ACYP2: variants seen among roughly 807,000 people sequenced by gnomAD.
ACYP2 encodes the protein acylphosphatase-2.
Under a neutral mutation model 11.2 loss-of-function variants are expected in ACYP2, and 12 were observed. The observed-to-expected ratio is 1.08, with a 90% CI of 0.69 to 1.74. ACYP2 has a LOEUF of 1.74. Ranked by LOEUF, ACYP2 falls within the 40% of genes most tolerant of loss-of-function variation. ACYP2 has a pLI of 0.00. For missense variants in ACYP2, 134 were observed against 101.9 expected, an observed-to-expected ratio of 1.31 and a Z score of -1.35; for synonymous variants, 43 against 32.2, an observed-to-expected ratio of 1.33 and a Z score of -1.13.
At chr2:53,992,705 C>G (rs1672359018) in intron 2 of ACYP2, among the ~76,000 whole-genome samples, 1 of 151,770 alleles carries the variant, frequency 6.6e-6, no homozygotes, top group South Asian at 2.1e-4. Context: ...GTGGTGTGCA[C>G]CTGTAGTCCG....
At chr2:54,006,411 T>C (rs1673066065) in intron 2 of ACYP2, among the ~76,000 whole-genome samples, 1 of 152,040 alleles carries the variant, frequency 6.6e-6, no homozygotes, top group African/African-American at 2.4e-5. Context: ...CCTCCCAAAG[T>C]GCTGGGATTA....
At chr2:54,242,350 T>G (rs1205866274) in intron 6 of ACYP2, among the ~76,000 whole-genome samples, 1 of 152,262 alleles carries the variant, frequency 6.6e-6, no homozygotes, top group African/African-American at 2.4e-5. Context: ...TGATGTCCTG[T>G]GACGTCAACT....
chr2:54,206,297 G>T (rs1401896407), intron 6 of ACYP2, among the ~76,000 whole-genome samples: 3 of 152,132 alleles, frequency 2.0e-5, no homozygotes, highest in Non-Finnish European at 2.9e-5. Flanking sequence ...GAATGACATT[G>T]TGCATTAGAG....
intron 6 of ACYP2, among the ~76,000 whole-genome samples, chr2:54,167,974 C>T (rs1466736573): frequency 6.6e-6 from 1 of 152,144 alleles, no homozygotes; most frequent in African/African-American, 2.4e-5. Flanking sequence ...GGGCCCAGTG[C>T]CACCCCAGAG....
At chr2:54,152,856 G>T (rs1380125050) in intron 6 of ACYP2, among the ~76,000 whole-genome samples, 1 of 151,896 alleles carries the variant, frequency 6.6e-6, no homozygotes, top group Admixed American at 6.6e-5. Context: ...TAGAGATAGG[G>T]TCTTTCTGTG....
intron 4 of ACYP2, among the ~76,000 whole-genome samples, chr2:54,070,930 T>G (rs139257067): frequency 0.036 from 5,327 of 147,200 alleles, 293 homozygotes; most frequent in African/African-American, 0.12. Flanking sequence ...TTGTTTGTTT[T>G]TTTCAGAGAC....
In ACYP2 at chr2:54,138,594, A is replaced by T. The variant is rs779675864; in HGVS notation, c.295-45A>T. On this transcript the variant is annotated intron_variant, in intron 5 of 6. Coordinates refer to ENST00000607452, the MANE Select transcript of ACYP2 (RefSeq NM_001320586.2). ...AGAATCAAGTATGTTATGAACTCAG[A>T]CTTTTGATGCTGCACTTTATTCTTC... is the stretch of plus-strand genomic sequence containing the variant. The T allele has an allele frequency of 2.7e-6, 4 of 1,490,048 alleles. No homozygotes were observed. In the South Asian group the frequency reaches 4.8e-5, roughly 18 times the overall value. 92.3% of individuals were successfully genotyped at this position (1,490,048 alleles called of 1,614,324 possible).
intron 6 of ACYP2, among the ~76,000 whole-genome samples, chr2:54,268,801 TCAAA>T (rs906799996): frequency 3.7e-4 from 57 of 152,182 alleles, no homozygotes; most frequent in African/African-American, 1.3e-3. Context: ...GACCCCTTTC[TCAAA>T]CAAACAATTA....
At chr2:54,084,291 T>C (rs1464214356) in intron 4 of ACYP2, among the ~76,000 whole-genome samples, 1 of 152,082 alleles carries the variant, frequency 6.6e-6, no homozygotes, top group Non-Finnish European at 1.5e-5. Flanking sequence ...TATTTCTTTT[T>C]TTCTTTCTTT....
chr2:53,986,368 A>C (rs1672037837), intron 2 of ACYP2, among the ~76,000 whole-genome samples: 2 of 145,832 alleles, frequency 1.4e-5, no homozygotes, highest in Non-Finnish European at 1.5e-5. Flanking sequence ...ATGGAGTCTC[A>C]CTCTGTTGCC....
intron 6 of ACYP2, among the ~76,000 whole-genome samples, chr2:54,148,217 G>A (rs1339073935): frequency 6.6e-6 from 1 of 152,120 alleles, no homozygotes; most frequent in Non-Finnish European, 1.5e-5. Context: ...TGCTACAAGG[G>A]AGACTGAGAA....
chr2:54,219,475 G>C (rs1685691015), intron 6 of ACYP2, among the ~76,000 whole-genome samples: 1 of 151,994 alleles, frequency 6.6e-6, no homozygotes, highest in Non-Finnish European at 1.5e-5. Context: ...ATCTAATGCA[G>C]GTTTCTGAAA....
At chr2:53,975,490 C>T (rs1671426558) in intron 2 of ACYP2, 1 of 381,264 alleles carries the variant, frequency 2.6e-6, no homozygotes, top group Non-Finnish European at 4.6e-6. Context: ...CTCAGTCCAA[C>T]TTGTTATCTC....
intron 2 of ACYP2, among the ~76,000 whole-genome samples, chr2:53,974,949 T>C (rs1025151367): frequency 6.6e-6 from 1 of 152,098 alleles, no homozygotes; most frequent in Non-Finnish European, 1.5e-5. Flanking sequence ...TGATGAGCTA[T>C]AAGGGAAAGA....
chr2:54,182,468 G>A (rs1295026201), intron 6 of ACYP2, among the ~76,000 whole-genome samples: 1 of 152,032 alleles, frequency 6.6e-6, no homozygotes, highest in African/African-American at 2.4e-5. Context: ...TAGCCTTCTG[G>A]CTAGCTGGGA....
intron 6 of ACYP2, among the ~76,000 whole-genome samples, chr2:54,161,767 G>A (rs1056447674): frequency 6.6e-6 from 1 of 152,100 alleles, no homozygotes; most frequent in Non-Finnish European, 1.5e-5. Flanking sequence ...TATTTTGTAA[G>A]AATACGTATT....
intron 6 of ACYP2, among the ~76,000 whole-genome samples, chr2:54,224,412 G>A (rs1685922501): frequency 6.6e-6 from 1 of 152,244 alleles, no homozygotes; most frequent in Admixed American, 6.5e-5. Flanking sequence ...AGGTGGGAAT[G>A]TCCCCTGTGC....
intron 6 of ACYP2, among the ~76,000 whole-genome samples, chr2:54,268,832 TTTTC>T (rs1329298345): frequency 2.0e-5 from 3 of 152,068 alleles, no homozygotes; most frequent in Admixed American, 6.6e-5. Context: ...GGTTGTGAGT[TTTTC>T]TTTTTTTTCC....
At chr2:54,040,282 A>T (rs1675154910) in intron 2 of ACYP2, among the ~76,000 whole-genome samples, 1 of 152,178 alleles carries the variant, frequency 6.6e-6, no homozygotes, top group African/African-American at 2.4e-5. Context: ...GAAAAGGAAC[A>T]GGATTTGGTG....
Sources: gnomAD v4.1 joint callset for allele counts (sites outside exome capture counted in the v4.1 genomes callset) on GRCh38, gnomAD v4.1.1 for gene constraint, MANE v1.5 for transcripts, NCBI Gene and HGNC (gene_info 2026-07-23, HGNC 2026-07-21) for gene names.